Variants in CRYBG3 observed in about 807,000 individuals in gnomAD.
The protein encoded by CRYBG3 is crystallin beta-gamma domain containing 3, also known as very large A-kinase anchor protein.
A neutral mutation model predicts 244.2 loss-of-function variants in CRYBG3; 127 were observed. The ratio of observed to expected loss-of-function variants is 0.52; its 90% CI spans 0.45 to 0.60. The LOEUF is 0.60. CRYBG3 is among the 20% of genes least tolerant of loss of function. CRYBG3 has a pLI of 0.00. For synonymous variants in CRYBG3, 1,132 were observed against 1,195.8 expected, an observed-to-expected ratio of 0.95 and a Z score of 1.10; for missense variants, 3,325 against 3,442.5, an observed-to-expected ratio of 0.97 and a Z score of 0.85.
At position 97,931,441 on chromosome 3, in the gene CRYBG3, C is replaced by G. The variant is rs547869643; in HGVS notation, c.8242-2253C>G. Among the ~76,000 whole-genome samples the G allele has an allele frequency of 1.2e-3, 184 of 152,198 alleles. 2 individuals are homozygous for G. Among genetic ancestry groups the G allele is most frequent in the African/African-American group, 4.3e-3 (177 of 41,558 alleles). On this transcript the variant is annotated intron_variant, in intron 17 of 21. Coordinates refer to ENST00000389622, the MANE Select transcript of CRYBG3 (RefSeq NM_153605.4). Reference sequence around the variant, plus strand: ...TCCACCTCCCATGTTTCATCATCGCCCACCTGTGTATGTCAGTGCAGTTCT... The same window carrying G: ...TCCACCTCCCATGTTTCATCATCGCGCACCTGTGTATGTCAGTGCAGTTCT...
chr3:97,830,931 A>G (rs916160028), intron 1 of CRYBG3, among the ~76,000 whole-genome samples: 2 of 152,144 alleles, frequency 1.3e-5, no homozygotes, highest in Admixed American at 1.3e-4. Flanking sequence ...TATTCTTGGT[A>G]TTCCAGAGTC....
chr3:97,907,434 G>A (rs2039790775), intron 15 of CRYBG3, among the ~76,000 whole-genome samples: 1 of 151,248 alleles, frequency 6.6e-6, no homozygotes, highest in Non-Finnish European at 1.5e-5. Flanking sequence ...TCCTGTTATT[G>A]GTCTATTCAG....
At chr3:97,824,767 G>A (rs1337403294) in intron 1 of CRYBG3, among the ~76,000 whole-genome samples, 1 of 152,144 alleles carries the variant, frequency 6.6e-6, no homozygotes, top group Non-Finnish European at 1.5e-5. Flanking sequence ...TCCAGGAAAT[G>A]CTTATATTAA....
rs780484144 is a variant in CRYBG3 at position 97,892,969 on chromosome 3, G to A, written c.7550G>A (p.Gly2517Glu). 1.3e-6 allele frequency: 2 copies of A among 1,599,996 alleles called. No homozygotes were observed. The highest frequency in any genetic ancestry group is 2.3e-5 in the South Asian group (2 of 87,714). Residue 2517 changes from glycine to glutamate, a missense_variant, in exon 11 of 22, where the codon GGA becomes GAA. Gly to Glu is a moderately conservative substitution (Grantham distance 98, BLOSUM62 -2). Around this residue, in one of 4 missense-constraint regions of CRYBG3, gnomAD observed 714 missense variants for 803.6 expected, o/e 0.89. Transcript: ENST00000389622. The part of the protein sequence containing the change: ...LKNNGDFHRI[G>E]SIRVIGGVWV... ...AATAATGGAGATTTTCACAGAATTGGATCAATTCGTGTCATTGGTGGAGTG... is the reference window on the plus strand; with the variant it reads ...AATAATGGAGATTTTCACAGAATTGAATCAATTCGTGTCATTGGTGGAGTG...
intron 17 of CRYBG3, among the ~76,000 whole-genome samples, chr3:97,921,605 T>C (rs2039985522): frequency 6.6e-6 from 1 of 152,096 alleles, no homozygotes; most frequent in Admixed American, 6.6e-5. Flanking sequence ...GCTTTAGAAG[T>C]TGGGGGATGG....
intron 1 of CRYBG3, among the ~76,000 whole-genome samples, chr3:97,841,066 T>C (rs2038805579): frequency 6.6e-6 from 1 of 151,982 alleles, no homozygotes; most frequent in African/African-American, 2.4e-5. Flanking sequence ...GAGAAATTCT[T>C]ATTTTATACA....
rs1398988434 is a variant in CRYBG3 at position 97,874,935 on chromosome 3, C to A, written c.3741C>A (p.Asn1247Lys). Residue 1247 changes from asparagine (N) to lysine (K), a missense_variant, in exon 4 of 22, where the codon AAC (asparagine) becomes AAA (lysine). Around this residue, in one of 4 missense-constraint regions of CRYBG3, gnomAD observed 1,526 missense variants for 1,443.2 expected, o/e 1.06. Transcript: ENST00000389622. ...GTLKEDISEK[N>K]PSEVTLTEIQ... ...TGAAAGAAGACATCTCTGAGAAAAA[C>A]CCATCAGAAGTGACACTAACAGAAA... 28 of 1,535,494 alleles carry A rather than the reference C, an allele frequency of 1.8e-5. No homozygotes were observed. In the East Asian group the frequency reaches 6.4e-4, roughly 35 times the overall value.
At chr3:97,920,899 T>C (rs1024792931) in intron 17 of CRYBG3, among the ~76,000 whole-genome samples, 9 of 152,194 alleles carry the variant, frequency 5.9e-5, no homozygotes, top group Admixed American at 2.0e-4. Context: ...AGCCTCATTC[T>C]GTCTTTCTAA....
intron 1 of CRYBG3, among the ~76,000 whole-genome samples, chr3:97,840,860 C>T (rs892720356): frequency 8.6e-5 from 13 of 151,772 alleles, no homozygotes; most frequent in African/African-American, 3.1e-4. Context: ...TTAATTATAC[C>T]CCAAATCTTT....
At chr3:97,890,502 A>G (rs374612744) in intron 10 of CRYBG3, among the ~76,000 whole-genome samples, 4 of 152,252 alleles carry the variant, frequency 2.6e-5, no homozygotes, top group South Asian at 2.1e-4. Flanking sequence ...AAGTTGTTTG[A>G]TATTAATTTG....
At chr3:97,890,654 G>T (rs2039565420) in intron 10 of CRYBG3, among the ~76,000 whole-genome samples, 1 of 152,100 alleles carries the variant, frequency 6.6e-6, no homozygotes, top group African/African-American at 2.4e-5. Context: ...TGCAGGATTG[G>T]TACTATATAT....
intron 15 of CRYBG3, among the ~76,000 whole-genome samples, chr3:97,911,177 G>A (rs1018215053): frequency 2.0e-5 from 3 of 152,172 alleles, no homozygotes; most frequent in African/African-American, 7.2e-5. Flanking sequence ...AGGCCTTTGG[G>A]AAGACGAGGG....
chr3:97,925,237 T>C (rs539876913), intron 17 of CRYBG3, among the ~76,000 whole-genome samples: 2 of 152,138 alleles, frequency 1.3e-5, no homozygotes, highest in South Asian at 4.1e-4. Flanking sequence ...GAAAAATGGC[T>C]CAGGACATCC....
At position 97,877,126 on chromosome 3, in the gene CRYBG3, G is replaced by A. The variant is rs759701785; in HGVS notation, c.5932G>A (p.Asp1978Asn). 1.9e-6 allele frequency: 3 copies of A among 1,613,804 alleles called. No homozygotes were observed. The South Asian group carries it at 3.3e-5, about 18-fold the overall frequency. ...AATATATGACAAGAGGAGAGAGACAGATTATAGTGACAAAGGATATAATTT... is the reference window on the plus strand; with the variant it reads ...AATATATGACAAGAGGAGAGAGACAAATTATAGTGACAAAGGATATAATTT... ...TAIYDKRRET[D>N]YSDKGYNLAF... is the part of the protein sequence containing the mutation. Residue 1978 changes from aspartate to asparagine, a missense_variant, in exon 4 of 22, where the codon GAT becomes AAT. Asp to Asn is a conservative substitution (Grantham distance 23). Around this residue, in one of 4 missense-constraint regions of CRYBG3, gnomAD observed 450 missense variants for 424.1 expected, o/e 1.06. Coordinates refer to ENST00000389622, the MANE Select transcript of CRYBG3 (RefSeq NM_153605.4).
chr3:97,886,535 A>G, intron 7 of CRYBG3, 96 bp from the exon 8 acceptor site: 2 of 828,724 alleles, frequency 2.4e-6, no homozygotes, highest in Non-Finnish European at 3.5e-6. Context: ...ATTCAACTCA[A>G]TAATGAGAAC....
At position 97,873,327 on chromosome 3, in the gene CRYBG3, T is replaced by C. The variant is rs1390713431; in HGVS notation, c.2133T>C (p.Ala711=). Reference sequence around the variant, plus strand: ...AAAATGTGAAAAACCATGTTGAGGCTGCAGGCAGGAAGAGTCCTCCTCCTT... The same window carrying C: ...AAAATGTGAAAAACCATGTTGAGGCCGCAGGCAGGAAGAGTCCTCCTCCTT... ...KEENVKNHVE[A]AGRKSPPPSF... Residue 711 remains alanine, a synonymous_variant, in exon 4 of 22, where the codon GCT becomes GCC. Coordinates refer to ENST00000389622, the MANE Select transcript of CRYBG3 (RefSeq NM_153605.4). 3.3e-6 allele frequency: 5 copies of C among 1,535,812 alleles called. No homozygotes were observed. The highest frequency in any genetic ancestry group is 4.4e-6 in the Non-Finnish European group (5 of 1,146,828).
At chr3:97,924,327 G>T (rs1309104468) in intron 17 of CRYBG3, 1 of 402,500 alleles carries the variant, frequency 2.5e-6, no homozygotes, top group East Asian at 8.0e-5. Context: ...TTACAACTTA[G>T]AAGAAAATAT....
Position 97,876,254 on chromosome 3 carries a change from T to G in CRYBG3, c.5060T>G (p.Leu1687Trp). The change falls in exon 4 of 22, where the codon TTG (leucine) becomes TGG (tryptophan). Residue 1687 changes from leucine (L) to tryptophan (W), a missense_variant. Around this residue, in one of 4 missense-constraint regions of CRYBG3, gnomAD observed 635 missense variants for 771.7 expected, o/e 0.82. Transcript: ENST00000389622. The stretch of plus-strand genomic sequence containing the variant: ...ATTGGCAAGACTGGGACGATAGCCT[T>G]GTCAGAAGTGGAAAATATCCACCAA... ...GDIGKTGTIA[L>W]SEVENIHQKG... 1.6e-6 allele frequency: 2 copies of G among 1,232,026 alleles called. No homozygotes were observed. The highest frequency in any genetic ancestry group is 2.0e-6 in the Non-Finnish European group (2 of 987,942). 76.3% of individuals were successfully genotyped at this position (1,232,026 alleles called of 1,614,324 possible).
chr3:97,902,259 A>ATTCC (rs2039714748), intron 15 of CRYBG3, among the ~76,000 whole-genome samples: 2 of 152,036 alleles, frequency 1.3e-5, no homozygotes, highest in Admixed American at 6.6e-5. Context: ...TTTAAAGGGA[A>ATTCC]CCTCAAGCAA....
Sources: gnomAD v4.1 joint callset for allele counts (sites outside exome capture counted in the v4.1 genomes callset) on GRCh38, gnomAD v4.1.1 for gene constraint, gnomAD v4.1.1 regional missense constraint, MANE v1.5 for transcripts, NCBI Gene and HGNC (gene_info 2026-07-23, HGNC 2026-07-21) for gene names.